Variants in NELL1 observed in about 807,000 individuals in gnomAD.
NELL1 encodes neural EGFL like 1.
In NELL1, 76 loss-of-function variants were observed where a neutral mutation model predicts 107.4. That is an observed-to-expected ratio of 0.71 (90% CI 0.59 to 0.86). The LOEUF is 0.86. NELL1 is among the 40% of genes least tolerant of loss of function. The pLI, the probability that NELL1 is intolerant of heterozygous loss-of-function variation, is 0.00. For synonymous variants in NELL1, 353 were observed against 341.2 expected (o/e 1.03, Z -0.38); for missense variants, 1,024 against 1,005.5 (o/e 1.02, Z -0.25).
At chr11:21,139,522 C>T (rs1240626998) in intron 13 of NELL1, among the ~76,000 whole-genome samples, 2 of 152,194 alleles carry the variant, frequency 1.3e-5, no homozygotes, top group African/African-American at 2.4e-5. Context: ...CACCACATTA[C>T]ATACTTTACT....
rs887746015 is a variant in NELL1 at position 20,843,847 on chromosome 11, C to A, written c.336-3736C>A. Among the ~76,000 whole-genome samples the A allele has an allele frequency of 4.3e-4, 65 of 152,018 alleles. 1 individual carries two copies. The highest frequency in any genetic ancestry group is 1.4e-3 in the African/African-American group (58 of 41,490). ...GGAATTCAGATAGTCTCATGAAAAT[C>A]GACTTCAGTTCATGATAATACTGAT... On this transcript the variant is annotated intron_variant, in intron 3 of 19. Transcript: ENST00000357134.
intron 12 of NELL1, among the ~76,000 whole-genome samples, chr11:20,973,501 C>T (rs1312306323): frequency 6.6e-6 from 1 of 152,152 alleles, no homozygotes; most frequent in Non-Finnish European, 1.5e-5. Flanking sequence ...CAGCCTAGCA[C>T]CTGTAATATA....
intron 13 of NELL1, among the ~76,000 whole-genome samples, chr11:21,228,262 T>C (rs996552130): frequency 2.0e-5 from 3 of 152,202 alleles, no homozygotes; most frequent in African/African-American, 7.2e-5. Context: ...ATTATAGTTA[T>C]CTATGAAACC....
chr11:21,321,582 G>T (rs1850011911), intron 14 of NELL1, among the ~76,000 whole-genome samples: 2 of 152,152 alleles, frequency 1.3e-5, no homozygotes, highest in African/African-American at 2.4e-5. Context: ...ACTGATATTT[G>T]CTACGTGCTG....
chr11:21,160,812 G>A (rs1381608462), intron 13 of NELL1, among the ~76,000 whole-genome samples: 2 of 152,134 alleles, frequency 1.3e-5, no homozygotes, highest in East Asian at 3.9e-4. Flanking sequence ...TTCACATTCT[G>A]TTTTAGCTCA....
At chr11:21,234,864 T>C (rs1858161553) in intron 14 of NELL1, among the ~76,000 whole-genome samples, 1 of 152,148 alleles carries the variant, frequency 6.6e-6, no homozygotes, top group Admixed American at 6.5e-5. Context: ...AATAGACATC[T>C]CACATGTACA....
At chr11:20,769,434 G>C (rs1353599960) in intron 2 of NELL1, 2 of 152,214 alleles carry the variant, frequency 1.3e-5, no homozygotes, top group African/African-American at 4.8e-5. Flanking sequence ...CATTAACTTT[G>C]GCACAATGTA....
intron 5 of NELL1, among the ~76,000 whole-genome samples, chr11:20,905,122 G>A (rs1034385077): frequency 6.6e-6 from 1 of 151,448 alleles, no homozygotes; most frequent in African/African-American, 2.4e-5. Context: ...TTACAGGTGT[G>A]AGCCACCTTG....
chr11:20,902,367 A>G (rs948289304), intron 5 of NELL1, among the ~76,000 whole-genome samples: 1 of 152,132 alleles, frequency 6.6e-6, no homozygotes, highest in African/African-American at 2.4e-5. Flanking sequence ...AACATATTGA[A>G]AGTAATTCAA....
intron 13 of NELL1, among the ~76,000 whole-genome samples, chr11:21,153,651 C>T (rs1856168912): frequency 6.6e-6 from 1 of 152,158 alleles, no homozygotes; most frequent in Non-Finnish European, 1.5e-5. Context: ...ATTTATCACA[C>T]TTACTATCAC....
chr11:21,070,785 A>C (rs1853993009), intron 12 of NELL1, among the ~76,000 whole-genome samples: 1 of 152,156 alleles, frequency 6.6e-6, no homozygotes, highest in Admixed American at 6.6e-5. Flanking sequence ...AAATCTGAGA[A>C]TCATTGTCTG....
intron 4 of NELL1, among the ~76,000 whole-genome samples, chr11:20,871,599 C>A (rs1236236466): frequency 6.6e-6 from 1 of 151,204 alleles, no homozygotes; most frequent in Non-Finnish European, 1.5e-5. Flanking sequence ...TGGGACACTG[C>A]AGGAATTTTT....
At chr11:20,699,112 G>A (rs1233424103) in intron 2 of NELL1, among the ~76,000 whole-genome samples, 1 of 151,494 alleles carries the variant, frequency 6.6e-6, no homozygotes, top group African/African-American at 2.4e-5. Flanking sequence ...AGCTACTCGG[G>A]AGGTTGAGGC....
At chr11:20,703,926 A>G (rs1164814741) in intron 2 of NELL1, among the ~76,000 whole-genome samples, 1 of 152,148 alleles carries the variant, frequency 6.6e-6, no homozygotes, top group Non-Finnish European at 1.5e-5. Flanking sequence ...ACTTCCAACT[A>G]TGTGGTCAAT....
At chr11:21,134,622 G>T (rs1855702486) in intron 13 of NELL1, among the ~76,000 whole-genome samples, 1 of 152,230 alleles carries the variant, frequency 6.6e-6, no homozygotes, top group South Asian at 2.1e-4. Flanking sequence ...TGCACTGAGG[G>T]TAGATGGAAG....
intron 2 of NELL1, among the ~76,000 whole-genome samples, chr11:20,774,551 A>T (rs1345753449): frequency 6.6e-6 from 1 of 151,846 alleles, no homozygotes; most frequent in African/African-American, 2.4e-5. Flanking sequence ...TATATCTCTG[A>T]ACTGAAAAGC....
At chr11:21,016,592 A>G (rs1450297256) in intron 12 of NELL1, among the ~76,000 whole-genome samples, 1 of 151,780 alleles carries the variant, frequency 6.6e-6, no homozygotes, top group African/African-American at 2.4e-5. Flanking sequence ...ACCTCAAATT[A>G]CCTTTCCCTG....
chr11:20,808,767 C>T (rs1002801711), intron 3 of NELL1, among the ~76,000 whole-genome samples: 3 of 152,284 alleles, frequency 2.0e-5, no homozygotes, highest in Middle Eastern at 3.4e-3. Flanking sequence ...GAATTCTGCC[C>T]GTTGGCAGCG....
chr11:20,797,694 AG>A (rs1462856217), intron 3 of NELL1, among the ~76,000 whole-genome samples: 1 of 151,698 alleles, frequency 6.6e-6, no homozygotes, highest in Non-Finnish European at 1.5e-5. Flanking sequence ...TTAATTCTGG[AG>A]TAGACTGGAT....
Sources: gnomAD v4.1 joint callset for allele counts (sites outside exome capture counted in the v4.1 genomes callset) on GRCh38, gnomAD v4.1.1 for gene constraint, MANE v1.5 for transcripts, NCBI Gene and HGNC (gene_info 2026-07-23, HGNC 2026-07-21) for gene names.